The following LHFPL2 variants were observed in gnomAD, a reference collection of about 807,000 sequenced individuals.
The protein encoded by LHFPL2 is LHFPL tetraspan subfamily member 2 protein.
Under a neutral mutation model 17.5 loss-of-function variants are expected in LHFPL2, and 7 were observed. The observed-to-expected ratio is 0.40, with a 90% CI of 0.23 to 0.75. LHFPL2 has a LOEUF of 0.75. LHFPL2 is among the 30% of genes least tolerant of loss of function. LHFPL2 has a pLI of 0.37. For synonymous variants in LHFPL2, 134 were observed against 116.2 expected (o/e 1.15, Z -0.99); for missense variants, 241 against 294.8 (o/e 0.82, Z 1.34).
chr5:78,615,557 C>T (rs1305597996), intron 2 of LHFPL2, among the ~76,000 whole-genome samples: 9 of 152,170 alleles, frequency 5.9e-5, no homozygotes, highest in Admixed American at 5.9e-4. Context: ...TTCATAAACT[C>T]TAAGCACAAG....
intron 3 of LHFPL2, among the ~76,000 whole-genome samples, chr5:78,533,164 C>T (rs1188567992): frequency 6.6e-6 from 1 of 152,146 alleles, no homozygotes; most frequent in Non-Finnish European, 1.5e-5. Flanking sequence ...AGGTCAGTGC[C>T]GTCAGCTTTT....
At chr5:78,585,675 ACCT>A (rs923172634) in intron 2 of LHFPL2, among the ~76,000 whole-genome samples, 9 of 151,600 alleles carry the variant, frequency 5.9e-5, no homozygotes, top group East Asian at 1.9e-4. Flanking sequence ...AACAACCTCC[ACCT>A]CCTCCTCCTC....
intron 3 of LHFPL2, among the ~76,000 whole-genome samples, chr5:78,557,149 G>A (rs1580805183): frequency 6.6e-6 from 1 of 152,046 alleles, no homozygotes; most frequent in African/African-American, 2.4e-5. Context: ...CCTTTGGGCA[G>A]GTGAAAAACC....
At chr5:78,498,735 A>G (rs916426078) in intron 4 of LHFPL2, among the ~76,000 whole-genome samples, 2 of 152,224 alleles carry the variant, frequency 1.3e-5, no homozygotes, top group Non-Finnish European at 2.9e-5. Context: ...AAGACAAGAG[A>G]CACCCTACTT....
At chr5:78,566,188 G>T (rs566193383) in intron 2 of LHFPL2, among the ~76,000 whole-genome samples, 1 of 152,130 alleles carries the variant, frequency 6.6e-6, no homozygotes, top group African/African-American at 2.4e-5. Flanking sequence ...TTCAAATACA[G>T]CCATGGGCTA....
intron 2 of LHFPL2, among the ~76,000 whole-genome samples, chr5:78,620,361 T>G (rs1227070016): frequency 1.3e-5 from 2 of 152,232 alleles, no homozygotes; most frequent in African/African-American, 2.4e-5. Flanking sequence ...TTGTTTGTTT[T>G]TTTCTCGTAA....
chr5:78,586,600 G>C (rs916782760), intron 2 of LHFPL2, among the ~76,000 whole-genome samples: 1 of 152,102 alleles, frequency 6.6e-6, no homozygotes, highest in African/African-American at 2.4e-5. Context: ...CCACCACTTG[G>C]CATGGTTTCA....
At chr5:78,505,584 C>T (rs1754908258) in intron 4 of LHFPL2, among the ~76,000 whole-genome samples, 1 of 152,174 alleles carries the variant, frequency 6.6e-6, no homozygotes, top group Non-Finnish European at 1.5e-5. Flanking sequence ...TGCTGTGCAC[C>T]CTGAGCTCCA....
At chr5:78,528,037 A>G (rs1004257949) in intron 3 of LHFPL2, among the ~76,000 whole-genome samples, 1 of 152,184 alleles carries the variant, frequency 6.6e-6, no homozygotes, top group Admixed American at 6.5e-5. Flanking sequence ...AACCACCACT[A>G]TCTGTCTAAA....
chr5:78,636,851 C>A (rs1745464434), intron 1 of LHFPL2, among the ~76,000 whole-genome samples: 1 of 152,024 alleles, frequency 6.6e-6, no homozygotes, highest in African/African-American at 2.4e-5. Flanking sequence ...TGGCTCCATC[C>A]AAGATAAGAG....
chr5:78,490,210 A>G (rs1754392424), intron 4 of LHFPL2, among the ~76,000 whole-genome samples: 1 of 152,190 alleles, frequency 6.6e-6, no homozygotes, highest in Admixed American at 6.5e-5. Context: ...TGCTCACTAT[A>G]TAACCAGAAT....
intron 2 of LHFPL2, among the ~76,000 whole-genome samples, chr5:78,591,853 T>C (rs923012201): frequency 6.6e-6 from 1 of 152,094 alleles, no homozygotes; most frequent in African/African-American, 2.4e-5. Flanking sequence ...AGAACACGGA[T>C]AGGAGAAAAA....
chr5:78,539,189 G>A (rs998554125), intron 3 of LHFPL2, among the ~76,000 whole-genome samples: 6 of 152,108 alleles, frequency 3.9e-5, no homozygotes, highest in Non-Finnish European at 7.4e-5. Context: ...TTCTGCCCTC[G>A]GCCACGTGAA....
At chr5:78,496,122 T>G (rs548019763) in intron 4 of LHFPL2, among the ~76,000 whole-genome samples, 7 of 152,312 alleles carry the variant, frequency 4.6e-5, no homozygotes, top group Non-Finnish European at 8.8e-5. Flanking sequence ...TTTTAAAAAT[T>G]TATTCAATAG....
chr5:78,555,580 C>T (rs1046751911), intron 3 of LHFPL2, among the ~76,000 whole-genome samples: 1 of 152,144 alleles, frequency 6.6e-6, no homozygotes, highest in African/African-American at 2.4e-5. Context: ...GGTCTTTCTA[C>T]TGGAAGTGGG....
chr5:78,509,791 T>A lies in LHFPL2; in HGVS notation c.423A>T (p.Gly141=). 6.2e-7 allele frequency: 1 copy of A among 1,609,254 alleles called. No individual in the cohort carries two copies. Among genetic ancestry groups the A allele is most frequent in the Non-Finnish European group, 8.5e-7 (1 of 1,175,926 alleles). Residue 141 remains glycine, a synonymous_variant, in exon 4 of 5, where the codon GGA becomes GGT. Coordinates refer to ENST00000380345, the MANE Select transcript of LHFPL2 (RefSeq NM_005779.3). The stretch of plus-strand genomic sequence containing the variant: ...GGGGTCCTGCCTTCTTACCTGCAAT[T>A]CCTTGCAACAGCCCACAGACATTGA... ...SIFNVCGLLQ[G]IAGLFLILGL... is the part of the protein sequence containing the mutation.
At chr5:78,544,774 T>TAC (rs961737786) in intron 3 of LHFPL2, among the ~76,000 whole-genome samples, 5 of 142,750 alleles carry the variant, frequency 3.5e-5, no homozygotes, top group East Asian at 2.0e-4. Flanking sequence ...CACACACGTA[T>TAC]ACACACACAC....
intron 2 of LHFPL2, among the ~76,000 whole-genome samples, chr5:78,620,002 G>C (rs1198121536): frequency 1.0e-5 from 1 of 98,524 alleles, no homozygotes; most frequent in African/African-American, 4.0e-5. Context: ...ATGATTTATA[G>C]TCCTTTGGGT....
At chr5:78,494,956 C>T (rs1411566453) in intron 4 of LHFPL2, among the ~76,000 whole-genome samples, 1 of 152,198 alleles carries the variant, frequency 6.6e-6, no homozygotes, top group Non-Finnish European at 1.5e-5. Context: ...CAACATTTTG[C>T]ACTGAGTGTG....
Sources: allele counts gnomAD v4.1 joint callset (sites outside exome capture counted in the v4.1 genomes callset), GRCh38; gene constraint gnomAD v4.1.1; transcripts MANE v1.5; gene names NCBI Gene and HGNC (gene_info 2026-07-23, HGNC 2026-07-21).